SLC22A4: variants seen among roughly 807,000 people sequenced by gnomAD.
SLC22A4 encodes the protein ET transporter.
SLC22A4 carries 39 observed loss-of-function variants against 56.6 expected under a neutral mutation model. The observed-to-expected ratio is 0.69, with a 90% CI of 0.53 to 0.90. The LOEUF (loss-of-function observed/expected upper bound fraction) is 0.90. Among genes scored for constraint, SLC22A4 ranks in the 40% least tolerant of loss-of-function variants. SLC22A4 has a pLI of 0.00. For synonymous variants in SLC22A4, 241 were observed against 281.4 expected (o/e 0.86, Z 1.44); for missense variants, 594 against 696.5 (o/e 0.85, Z 1.66).
chr5:132,340,544 C>T, intron 8 of SLC22A4, 21 bp from the exon 9 acceptor site: 1 of 1,613,194 alleles, frequency 6.2e-7, no homozygotes, highest in Non-Finnish European at 8.5e-7. Context: ...GATTGATGTT[C>T]TTATGTCCCG....
chr5:132,315,046 GTGT>G (rs1436902381), intron 3 of SLC22A4, among the ~76,000 whole-genome samples: 1 of 152,190 alleles, frequency 6.6e-6, no homozygotes, highest in Non-Finnish European at 1.5e-5. Flanking sequence ...CTTCAGGCCA[GTGT>G]TGTTGGAAAC....
chr5:132,332,729 A>AAC (rs1750900285), intron 6 of SLC22A4, among the ~76,000 whole-genome samples: 1 of 90,152 alleles, frequency 1.1e-5, no homozygotes, highest in Admixed American at 1.0e-4. Flanking sequence ...CTATGATGGC[A>AAC]GCACACACAC....
intron 9 of SLC22A4, among the ~76,000 whole-genome samples, chr5:132,343,496 A>G (rs1486273394): frequency 6.6e-6 from 1 of 152,210 alleles, no homozygotes; most frequent in African/African-American, 2.4e-5. Context: ...TTAATTGCCA[A>G]GAATTTCATG....
chr5:132,305,838 A>G (rs1750014988), intron 1 of SLC22A4, among the ~76,000 whole-genome samples: 1 of 152,252 alleles, frequency 6.6e-6, no homozygotes, highest in Non-Finnish European at 1.5e-5. Context: ...CAAAATGTAT[A>G]CTTTAAAAAC....
intron 1 of SLC22A4, among the ~76,000 whole-genome samples, chr5:132,303,731 C>T (rs1749958551): frequency 6.6e-6 from 1 of 152,204 alleles, no homozygotes; most frequent in Non-Finnish European, 1.5e-5. Flanking sequence ...CTTGATTGCC[C>T]TTATCCCAGC....
At chr5:132,306,401 A>AGTTGT (rs1750035178) in intron 1 of SLC22A4, among the ~76,000 whole-genome samples, 2 of 39,206 alleles carry the variant, frequency 5.1e-5, no homozygotes, top group East Asian at 3.1e-3. Context: ...ATATATATAT[A>AGTTGT]TATATATATA....
chr5:132,328,487 C>T (rs13165814), intron 5 of SLC22A4, among the ~76,000 whole-genome samples: 1 of 152,170 alleles, frequency 6.6e-6, no homozygotes, highest in Non-Finnish European at 1.5e-5. Flanking sequence ...AACTCAAGCT[C>T]TCAGAGGGCT....
At chr5:132,304,374 T>C (rs1749975749) in intron 1 of SLC22A4, among the ~76,000 whole-genome samples, 2 of 152,220 alleles carry the variant, frequency 1.3e-5, no homozygotes, top group African/African-American at 4.8e-5. Context: ...CCTAGCACTT[T>C]GGGAGGCCAA....
At chr5:132,306,386 TATATA>T (rs1485313614) in intron 1 of SLC22A4, among the ~76,000 whole-genome samples, 4 of 1,834 alleles carry the variant, frequency 2.2e-3, no homozygotes, top group African/African-American at 4.3e-3. Flanking sequence ...AACCGTGAAA[TATATA>T]TATATATATA....
Position 132,334,758 on chromosome 5 carries a change from G to T in SLC22A4, c.1087G>T (p.Ala363Ser). 6.2e-7 allele frequency: 1 copy of T among 1,614,068 alleles called. No individual in the cohort carries two copies. Among genetic ancestry groups the T allele is most frequent in the Middle Eastern group, 1.6e-4 (1 of 6,062 alleles). Reference sequence around the variant, plus strand: ...GGGTTACTTTGCTCTGTCTCTGGATGCTCCTAATTTACATGGAGATGCCTA... The same window carrying T: ...GGGTTACTTTGCTCTGTCTCTGGATTCTCCTAATTTACATGGAGATGCCTA... ...SVGYFALSLD[A>S]PNLHGDAYLN... Residue 363 changes from alanine to serine, a missense_variant, in exon 7 of 10, where the codon GCT (alanine) becomes TCT (serine). Transcript: ENST00000200652.
At chr5:132,323,443 TTC>T (rs1484759815) in intron 4 of SLC22A4, among the ~76,000 whole-genome samples, 1 of 152,214 alleles carries the variant, frequency 6.6e-6, no homozygotes, top group African/African-American at 2.4e-5. Context: ...AGCCCCTGTA[TTC>T]TCATGACCTG....
At chr5:132,340,476 T>C in intron 8 of SLC22A4, 89 bp from the exon 9 acceptor site, 2 of 1,212,686 alleles carry the variant, frequency 1.6e-6, no homozygotes, top group Non-Finnish European at 2.5e-6. Flanking sequence ...CATTCTCTTA[T>C]ACTGTTCACC....
intron 8 of SLC22A4, among the ~76,000 whole-genome samples, chr5:132,336,632 G>A (rs560556556): frequency 3.9e-5 from 6 of 152,264 alleles, no homozygotes; most frequent in African/African-American, 1.4e-4. Flanking sequence ...CTTCCAAATA[G>A]TTACATATTG....
chr5:132,339,815 T>C (rs1751150737), intron 8 of SLC22A4, among the ~76,000 whole-genome samples: 2 of 152,184 alleles, frequency 1.3e-5, no homozygotes, highest in Admixed American at 1.3e-4. Flanking sequence ...ATTTTCCTTA[T>C]GTTTTGGGTC....
chr5:132,344,121 A>G lies in SLC22A4; in HGVS notation c.*286A>G, dbSNP rs927992096. 5.4e-6 allele frequency: 2 copies of G among 369,178 alleles called. No homozygotes were observed. The highest frequency in any genetic ancestry group is 4.3e-5 in the Admixed American group (1 of 23,176). 22.9% of individuals were successfully genotyped at this position (369,178 alleles called of 1,614,324 possible). A position where few individuals can be genotyped will look rare whatever the true frequency, so the allele number is the denominator to read the frequency against. On this transcript the variant is annotated 3_prime_UTR_variant, in exon 10 of 10. Transcript: ENST00000200652. The stretch of plus-strand genomic sequence containing the variant: ...GTCAAGGACTGGTAAAATACATATA[A>G]AGATTAACACTCATTTCCAATCATA...
chr5:132,308,372 ATTTTTTTTTTTTTT>A lies in SLC22A4; in HGVS notation c.394-3765_394-3752del, dbSNP rs56259514. ...TGTCAGTTGAATCAATGATTAAGCA[ATTTTTTTTTTTTTT>A]TTTTTTTTTTTTTTTTTTTTTTTAC... On this transcript the variant is annotated intron_variant, in intron 1 of 9. Transcript: ENST00000200652. 6.0e-4 allele frequency among the ~76,000 whole-genome samples: 37 copies of A among 61,326 alleles called. 1 individual carries two copies. Among genetic ancestry groups the A allele is most frequent in the African/African-American group, 2.4e-3 (32 of 13,308 alleles). The allele number at this position is 61,326 out of a possible 152,430, so 40.2% of individuals were successfully genotyped here. A position where few individuals can be genotyped will look rare whatever the true frequency, so the allele number is the denominator to read the frequency against.
chr5:132,295,642 T>C (rs963214024), intron 1 of SLC22A4: 20 of 247,854 alleles, frequency 8.1e-5, no homozygotes, highest in Non-Finnish European at 1.4e-4. Context: ...AGGCAGGGGC[T>C]GTAGCCCCTC....
chr5:132,314,813 TTTAA>T, intron 3 of SLC22A4, among the ~76,000 whole-genome samples: 1 of 152,352 alleles, frequency 6.6e-6, no homozygotes. Context: ...ACTCTACTCC[TTTAA>T]TTATTTGCGA....
At chr5:132,295,043 T>C in intron 1 of SLC22A4, 34 bp downstream of exon 1, 2 of 1,584,848 alleles carry the variant, frequency 1.3e-6, no homozygotes, top group Non-Finnish European at 1.7e-6. Context: ...GACCCGGGAG[T>C]GCCTGACCCT....
Sources: gnomAD v4.1 joint callset for allele counts (sites outside exome capture counted in the v4.1 genomes callset) on GRCh38, gnomAD v4.1.1 for gene constraint, MANE v1.5 for transcripts, NCBI Gene and HGNC (gene_info 2026-07-23, HGNC 2026-07-21) for gene names.